Variants in KANK2 observed in about 807,000 individuals in gnomAD.
KANK2 encodes KN motif and ankyrin repeat domains 2.
A neutral mutation model predicts 74.6 loss-of-function variants in KANK2; 41 were observed. The observed-to-expected ratio is 0.55, with a 90% CI of 0.43 to 0.71. The LOEUF (loss-of-function observed/expected upper bound fraction) is 0.71, where lower values mean the gene tolerates loss of function less well. Among genes scored for constraint, KANK2 ranks in the 30% least tolerant of loss-of-function variants. KANK2 has a pLI of 0.00. For missense variants in KANK2, 1,148 were observed against 1,196.4 expected, an observed-to-expected ratio of 0.96 and a Z score of 0.60; for synonymous variants, 537 against 519.0, an observed-to-expected ratio of 1.03 and a Z score of -0.47.
chr19:11,193,635 T>G lies in KANK2; in HGVS notation c.445A>C (p.Thr149Pro). The G allele has an allele frequency of 6.3e-7, 1 of 1,592,908 alleles. No homozygotes were observed. The highest frequency in any genetic ancestry group is 2.2e-5 in the East Asian group (1 of 44,592). ...AATPTGLGSL[T>P]PSAAGSTASL... ...GCTGTCGAGCCGGCCGCACTGGGGG[T>G]CAGGGAGCCCAGGCCGGTGGGTGTG... Residue 149 changes from threonine to proline, a missense_variant, in exon 4 of 13, where the codon ACC becomes CCC. Transcript: ENST00000586659. This position sits in a 1 kb window ranked among gnomAD's most constrained non-coding sequence, Gnocchi z 9.6.
At chr19:11,191,945 G>A (rs2078858070) in intron 4 of KANK2, among the ~76,000 whole-genome samples, 1 of 152,166 alleles carries the variant, frequency 6.6e-6, no homozygotes, top group African/African-American at 2.4e-5. Flanking sequence ...TGTAGACCCA[G>A]CTACTTGGGA....
chr19:11,166,192 T>G lies in KANK2; in HGVS notation c.*366A>C, dbSNP rs1304589331. On this transcript the variant is annotated 3_prime_UTR_variant, in exon 13 of 13. Coordinates refer to ENST00000586659, the MANE Select transcript of KANK2 (RefSeq NM_001136191.3). The stretch of plus-strand genomic sequence containing the variant: ...AGATTCCCACCCCCTCCTGCAACAA[T>G]GATTCAAAAATACAATATTTTTTTC... 5.3e-6 allele frequency: 1 copy of G among 190,266 alleles called. No individual in the cohort carries two copies. Among genetic ancestry groups the G allele is most frequent in the Non-Finnish European group, 1.1e-5 (1 of 92,940 alleles). The allele number at this position is 190,266 out of a possible 1,614,324, so 11.8% of individuals were successfully genotyped here. A position where few individuals can be genotyped will look rare whatever the true frequency, so the allele number is the denominator to read the frequency against.
intron 1 of KANK2, 102 bp from the exon 2 acceptor site, chr19:11,195,922 CAA>C (rs1175863198): frequency 7.9e-6 from 1 of 126,538 alleles, no homozygotes; most frequent in East Asian, 2.7e-4. Context: ...TTCTGGCCAC[CAA>C]AGAGAGATGG....
Position 11,166,518 on chromosome 19 carries a change from G to T in KANK2, c.*40C>A. The T allele has an allele frequency of 2.5e-6, 4 of 1,583,760 alleles. No homozygotes were observed. Among genetic ancestry groups the T allele is most frequent in the African/African-American group, 1.3e-5 (1 of 74,260 alleles). ...CAGGGAGGAGACGGGGACAAGGGAC[G>T]GTTTGCTCCCGGTCTGGCTGGTCCC... On this transcript the variant is annotated 3_prime_UTR_variant, in exon 13 of 13. Coordinates refer to ENST00000586659, the MANE Select transcript of KANK2 (RefSeq NM_001136191.3).
intron 4 of KANK2, 50 bp downstream of exon 4, chr19:11,192,781 A>AG (rs761900295): frequency 6.6e-7 from 1 of 1,521,958 alleles, no homozygotes; most frequent in East Asian, 2.5e-5. Context: ...GGGAAGAAAG[A>AG]GGCCCCCCCC....
intron 12 of KANK2, among the ~76,000 whole-genome samples, chr19:11,168,115 G>A (rs757949432): frequency 1.5e-4 from 21 of 144,728 alleles, no homozygotes; most frequent in Middle Eastern, 3.4e-3. Flanking sequence ...TGATTCTCCC[G>A]CCTAAGCCTC....
Position 11,164,846 on chromosome 19 carries a change from G to A in KANK2, c.*1712C>T, listed in dbSNP as rs923746444. Reference sequence around the variant, plus strand: ...ATCAAAGCAAGCCAGTCTACATCAAGCCAAGAAACCTACTTTTCTAAGGAG... The same window carrying A: ...ATCAAAGCAAGCCAGTCTACATCAAACCAAGAAACCTACTTTTCTAAGGAG... On this transcript the variant is annotated 3_prime_UTR_variant, in exon 13 of 13. Coordinates refer to ENST00000586659, the MANE Select transcript of KANK2 (RefSeq NM_001136191.3). 3.3e-5 allele frequency: 5 copies of A among 152,042 alleles called. No individual in the cohort carries two copies. Among genetic ancestry groups the A allele is most frequent in the Non-Finnish European group, 7.3e-5 (5 of 68,032 alleles). 9.4% of individuals were successfully genotyped at this position (152,042 alleles called of 1,614,324 possible).
chr19:11,165,873 T>C lies in KANK2; in HGVS notation c.*685A>G, dbSNP rs1181655054. The stretch of plus-strand genomic sequence containing the variant: ...CTGGCCGGTAATTTCTCATTGTGAA[T>C]TGATTGGGTCCCTGTAAGTCACAGA... On this transcript the variant is annotated 3_prime_UTR_variant, in exon 13 of 13. Coordinates refer to ENST00000586659, the MANE Select transcript of KANK2 (RefSeq NM_001136191.3). 6.6e-6 allele frequency: 1 copy of C among 152,208 alleles called. No homozygotes were observed. The highest frequency in any genetic ancestry group is 1.5e-5 in the Non-Finnish European group (1 of 68,094). The allele number at this position is 152,208 out of a possible 1,614,324, so 9.4% of individuals were successfully genotyped here.
rs1358706078 is a variant in KANK2, at chr19:11,170,804, T to C, written c.2212-556A>G. 6.6e-6 allele frequency among the ~76,000 whole-genome samples: 1 copy of C among 152,182 alleles called. No homozygotes were observed. The highest frequency in any genetic ancestry group is 1.5e-5 in the Non-Finnish European group (1 of 68,030). ...TAGGGTTTTGCCATGTTGCCCAGGC[T>C]AATTGTTCCTTTAAAAGGGTTAATT... On this transcript the variant is annotated intron_variant, in intron 10 of 12. Coordinates refer to ENST00000586659, the MANE Select transcript of KANK2 (RefSeq NM_001136191.3). This position sits in a 1 kb window ranked among gnomAD's most constrained non-coding sequence, Gnocchi z 5.2.
chr19:11,177,980 C>T (rs758110162), intron 6 of KANK2, among the ~76,000 whole-genome samples: 1 of 152,196 alleles, frequency 6.6e-6, no homozygotes, highest in East Asian at 1.9e-4. Flanking sequence ...TGAGGACCTG[C>T]ACCACCTGAG....
intron 4 of KANK2, among the ~76,000 whole-genome samples, chr19:11,182,297 C>T (rs1008231999): frequency 6.6e-6 from 1 of 151,784 alleles, no homozygotes; most frequent in Non-Finnish European, 1.5e-5. Flanking sequence ...GCAGGAGGAT[C>T]GCTTGAGGCC....
chr19:11,193,141 G>C lies in KANK2; in HGVS notation c.939C>G (p.Pro313=), dbSNP rs757617470. 1.8e-5 allele frequency: 29 copies of C among 1,607,720 alleles called. 1 individual carries two copies. Among genetic ancestry groups the C allele is most frequent in the Admixed American group, 1.5e-4 (9 of 59,796 alleles). Residue 313 remains proline, a synonymous_variant, in exon 4 of 13, where the codon CCC becomes CCG. Coordinates refer to ENST00000586659, the MANE Select transcript of KANK2 (RefSeq NM_001136191.3). The surrounding 1 kb of genome is among the most constrained non-coding windows in gnomAD (Gnocchi z 9.6). ...CCGGCGGTGGCCAGGCCTGGGGCTGGGGGTCAGCCTGCCGGGCCTGAGCTG... is the reference window on the plus strand; with the variant it reads ...CCGGCGGTGGCCAGGCCTGGGGCTGCGGGTCAGCCTGCCGGGCCTGAGCTG... ...LQAAQARQAD[P]QPQAWPPPDS...
intron 9 of KANK2, among the ~76,000 whole-genome samples, 187 bp from the exon 10 acceptor site, chr19:11,173,310 TTCC>T (rs1450962720): frequency 6.6e-6 from 1 of 152,160 alleles, no homozygotes; most frequent in Non-Finnish European, 1.5e-5. Flanking sequence ...TTGGAGACAG[TTCC>T]TCCTCCATCA....
At chr19:11,167,474 C>T (rs1001824594) in intron 12 of KANK2, among the ~76,000 whole-genome samples, 4 of 152,056 alleles carry the variant, frequency 2.6e-5, no homozygotes, top group Non-Finnish European at 4.4e-5. Context: ...AGCAATCCTC[C>T]TGCCTTAGCC....
intron 12 of KANK2, among the ~76,000 whole-genome samples, chr19:11,167,212 G>T (rs938787674): frequency 6.6e-6 from 1 of 151,506 alleles, no homozygotes; most frequent in African/African-American, 2.4e-5. Flanking sequence ...ATTACAGGCA[G>T]GCGCCACCAC....
At position 11,178,546 on chromosome 19, in the gene KANK2, C is replaced by T. The variant is rs771959624; in HGVS notation, c.1417+7G>A. ...CCCGTCCCTCTTGGCGGCCACCCAC[C>T]ACTTACCGGTGCCCCCGGCCTCCTC... is the stretch of plus-strand genomic sequence containing the variant. On this transcript the variant is annotated splice_region_variant and intron_variant, in intron 5 of 12. Coordinates refer to ENST00000586659, the MANE Select transcript of KANK2 (RefSeq NM_001136191.3). The T allele has an allele frequency of 6.2e-7, 1 of 1,604,068 alleles. No homozygotes were observed. The highest frequency in any genetic ancestry group is 8.5e-7 in the Non-Finnish European group (1 of 1,176,748).
intron 4 of KANK2, among the ~76,000 whole-genome samples, chr19:11,184,636 A>G (rs1295982331): frequency 4.0e-5 from 6 of 149,340 alleles, no homozygotes; most frequent in South Asian, 2.1e-4. Flanking sequence ...GCTGTATCCA[A>G]TAAGTTTGAA....
In KANK2 at chr19:11,193,822, C is replaced by T. The variant is rs755238; in HGVS notation, c.258G>A (p.Ser86=). The change falls in exon 4 of 13, where the codon TCG becomes TCA. Residue 86 remains serine (S), a synonymous_variant. Coordinates refer to ENST00000586659, the MANE Select transcript of KANK2 (RefSeq NM_001136191.3). This position sits in a 1 kb window ranked among gnomAD's most constrained non-coding sequence, Gnocchi z 9.6. ...TGTCCCCACTGGCATTGGAGCACAG[C>T]GACTCAGTGGACGTCCACCAGGAGC... ...GPGSWWTSTE[S]LCSNASGDSR... is the part of the protein sequence containing the mutation. 129,966 of 1,612,608 alleles carry T rather than the reference C, an allele frequency of 0.081. 5,766 individuals carry two copies. Among genetic ancestry groups the T allele is most frequent in the Admixed American group, 0.11 (6,447 of 60,002 alleles).
Position 11,194,574 on chromosome 19 carries a change from C to G in KANK2, c.-63G>C. ...GGACTGCGAGTCAGACTGCCTGCAG[C>G]ACCGGCTGAGGCTTACCTGGGGAAA... On this transcript the variant is annotated 5_prime_UTR_variant, in exon 3 of 13. Coordinates refer to ENST00000586659, the MANE Select transcript of KANK2 (RefSeq NM_001136191.3). 7.3e-7 allele frequency: 1 copy of G among 1,371,376 alleles called. No individual in the cohort carries two copies. The highest frequency in any genetic ancestry group is 1.0e-6 in the Non-Finnish European group (1 of 961,102). 85.0% of individuals were successfully genotyped at this position (1,371,376 alleles called of 1,614,324 possible).
Sources: gnomAD v4.1 joint callset for allele counts (sites outside exome capture counted in the v4.1 genomes callset) on GRCh38, gnomAD v4.1.1 for gene constraint, Gnocchi (gnomAD v3.1) non-coding constraint, MANE v1.5 for transcripts, NCBI Gene and HGNC (gene_info 2026-07-23, HGNC 2026-07-21) for gene names.